Variants in CADM2 observed in about 807,000 individuals in gnomAD.
CADM2 encodes cell adhesion molecule 2.
CADM2 carries 12 observed loss-of-function variants against 49.8 expected under a neutral mutation model. That is an observed-to-expected ratio of 0.24 (90% CI 0.15 to 0.39). CADM2 has a LOEUF of 0.39. Among genes scored for constraint, CADM2 ranks in the 10% least tolerant of loss-of-function variants. The pLI is 1.00. For synonymous variants in CADM2, 214 were observed against 175.4 expected, an observed-to-expected ratio of 1.22 and a Z score of -1.74; for missense variants, 378 against 492.3, an observed-to-expected ratio of 0.77 and a Z score of 2.20.
chr3:85,518,522 A>G (rs2060955781), intron 1 of CADM2, among the ~76,000 whole-genome samples: 1 of 151,682 alleles, frequency 6.6e-6, no homozygotes, highest in African/African-American at 2.4e-5. Flanking sequence ...TGTTTATATG[A>G]GCAAAAATGT....
intron 1 of CADM2, among the ~76,000 whole-genome samples, chr3:85,276,701 A>T (rs2043364416): frequency 6.6e-6 from 1 of 151,304 alleles, no homozygotes; most frequent in Non-Finnish European, 1.5e-5. Context: ...TTTATGAAAA[A>T]AAAAGCTTGG....
chr3:85,593,063 C>T (rs977286332), intron 1 of CADM2, among the ~76,000 whole-genome samples: 4 of 151,954 alleles, frequency 2.6e-5, no homozygotes, highest in Non-Finnish European at 4.4e-5. Flanking sequence ...TCCTGCATTT[C>T]GGTTGCTATT....
intron 3 of CADM2, among the ~76,000 whole-genome samples, chr3:85,865,193 C>A (rs548372563): frequency 6.5e-4 from 99 of 152,340 alleles, no homozygotes; most frequent in African/African-American, 2.4e-3. Flanking sequence ...GAGGCTTACT[C>A]CAGGCCCTGG....
chr3:86,059,870 A>T (rs1214586985), intron 8 of CADM2, among the ~76,000 whole-genome samples: 1 of 152,134 alleles, frequency 6.6e-6, no homozygotes, highest in Non-Finnish European at 1.5e-5. Flanking sequence ...TAGTTCTAAC[A>T]GTTATGGGGA....
At chr3:85,022,999 A>G (rs1453713159) in intron 1 of CADM2, among the ~76,000 whole-genome samples, 1 of 152,110 alleles carries the variant, frequency 6.6e-6, no homozygotes, top group Non-Finnish European at 1.5e-5. Context: ...TTCTACTTAT[A>G]AAATGAGCAT....
At chr3:85,127,306 T>C (rs1376470842) in intron 1 of CADM2, among the ~76,000 whole-genome samples, 1 of 152,184 alleles carries the variant, frequency 6.6e-6, no homozygotes, top group Non-Finnish European at 1.5e-5. Flanking sequence ...TTTTAGAAAA[T>C]AGAAACAAAG....
chr3:85,576,613 T>TA (rs2062640369), intron 1 of CADM2, among the ~76,000 whole-genome samples: 1 of 152,226 alleles, frequency 6.6e-6, no homozygotes, highest in African/African-American at 2.4e-5. Flanking sequence ...TTTCCTTTTA[T>TA]AAAATCATAG....
intron 1 of CADM2, among the ~76,000 whole-genome samples, chr3:85,072,502 A>G (rs2036789019): frequency 1.3e-5 from 2 of 152,026 alleles, no homozygotes. Context: ...ACTTGATAGA[A>G]CTTAGAGGAG....
At chr3:85,173,752 C>T (rs2040700427) in intron 1 of CADM2, among the ~76,000 whole-genome samples, 1 of 152,156 alleles carries the variant, frequency 6.6e-6, no homozygotes, top group South Asian at 2.1e-4. Flanking sequence ...TAGCGACAGG[C>T]AAAATCTGTT....
intron 1 of CADM2, among the ~76,000 whole-genome samples, chr3:85,444,609 G>C (rs936276254): frequency 2.0e-4 from 30 of 151,032 alleles, no homozygotes; most frequent in Non-Finnish European, 2.4e-4. Flanking sequence ...ATTTCGTTTT[G>C]CTGTTCCCAA....
intron 1 of CADM2, among the ~76,000 whole-genome samples, chr3:85,393,331 A>T (rs547734507): frequency 1.3e-5 from 2 of 152,260 alleles, no homozygotes; most frequent in Admixed American, 1.3e-4. Context: ...CTTGACTTAG[A>T]TATATTAATT....
intron 1 of CADM2, among the ~76,000 whole-genome samples, chr3:85,636,715 A>G (rs184998865): frequency 2.0e-5 from 3 of 152,316 alleles, no homozygotes; most frequent in Admixed American, 1.3e-4. Context: ...AACATTTTAT[A>G]CCACATTTTG....
At chr3:85,326,287 T>C (rs1433450169) in intron 1 of CADM2, among the ~76,000 whole-genome samples, 1 of 152,182 alleles carries the variant, frequency 6.6e-6, no homozygotes, top group Admixed American at 6.5e-5. Context: ...ATTTCAGGAA[T>C]TGAAAAAAAA....
At chr3:85,933,634 AT>A (rs891235219) in intron 6 of CADM2, among the ~76,000 whole-genome samples, 18 of 152,128 alleles carry the variant, frequency 1.2e-4, no homozygotes, top group Non-Finnish European at 2.5e-4. Context: ...ATCCCAAGAT[AT>A]GCAAAGTGAG....
At chr3:85,572,512 G>A (rs1479792922) in intron 1 of CADM2, among the ~76,000 whole-genome samples, 3 of 152,094 alleles carry the variant, frequency 2.0e-5, no homozygotes, top group Non-Finnish European at 2.9e-5. Context: ...GGAAATTGGC[G>A]TGCATGATTA....
chr3:85,570,849 C>A (rs2062454491), intron 1 of CADM2, among the ~76,000 whole-genome samples: 1 of 152,132 alleles, frequency 6.6e-6, no homozygotes, highest in African/African-American at 2.4e-5. Context: ...TGAAAATATA[C>A]AAAGATTGTG....
chr3:85,485,473 A>G (rs894641328), intron 1 of CADM2, among the ~76,000 whole-genome samples: 8 of 152,046 alleles, frequency 5.3e-5, no homozygotes, highest in African/African-American at 1.9e-4. Context: ...CAGGTGATTG[A>G]TAACTGGAAA....
At chr3:85,718,395 T>C (rs749187569) in intron 1 of CADM2, among the ~76,000 whole-genome samples, 2 of 152,174 alleles carry the variant, frequency 1.3e-5, no homozygotes. Context: ...TAATAAATGG[T>C]TGAGACATCT....
chr3:85,715,269 A>C (rs2067250637), intron 1 of CADM2, among the ~76,000 whole-genome samples: 1 of 152,196 alleles, frequency 6.6e-6, no homozygotes, highest in South Asian at 2.1e-4. Flanking sequence ...TTGGCTCAAA[A>C]ATTTTTCAAA....
Sources: gnomAD v4.1 joint callset for allele counts (sites outside exome capture counted in the v4.1 genomes callset) on GRCh38, gnomAD v4.1.1 for gene constraint, MANE v1.5 for transcripts, NCBI Gene and HGNC (gene_info 2026-07-23, HGNC 2026-07-21) for gene names.